Variants in PRKN observed in about 807,000 individuals in gnomAD.
PRKN encodes the protein parkin RBR E3 ubiquitin protein ligase.
In PRKN, 56 loss-of-function variants were observed where a neutral mutation model predicts 59.5. That is an observed-to-expected ratio of 0.94 (90% CI 0.76 to 1.18). PRKN has a LOEUF of 1.18. Ranked by LOEUF, PRKN falls within the 50% of genes most tolerant of loss-of-function variation. The pLI, the probability that PRKN is intolerant of heterozygous loss-of-function variation, is 0.00. For synonymous variants in PRKN, 250 were observed against 222.1 expected (o/e 1.13, Z -1.12); for missense variants, 657 against 596.4 (o/e 1.10, Z -1.06).
Position 162,037,776 on chromosome 6 carries a change from A to T in PRKN, c.618+16315T>A, listed in dbSNP as rs190779006. On this transcript the variant is annotated intron_variant, in intron 5 of 11. Coordinates refer to ENST00000366898, the MANE Select transcript of PRKN (RefSeq NM_004562.3). Reference sequence around the variant, plus strand: ...TGGCCAGGATGGTCTCAATCTCTTGACCTCGTGATCCACCCGCCTCAGCCT... The same window carrying T: ...TGGCCAGGATGGTCTCAATCTCTTGTCCTCGTGATCCACCCGCCTCAGCCT... 9.5e-3 allele frequency among the ~76,000 whole-genome samples: 1,437 copies of T among 151,308 alleles called. 17 individuals carry two copies. Among genetic ancestry groups the T allele is most frequent in the African/African-American group, 0.033 (1,368 of 41,208 alleles).
At chr6:162,089,261 G>A (rs1028373931) in intron 4 of PRKN, among the ~76,000 whole-genome samples, 5 of 152,074 alleles carry the variant, frequency 3.3e-5, no homozygotes, top group Admixed American at 1.3e-4. Context: ...ATTTTTCCAA[G>A]GAAGTTATAC....
chr6:162,393,141 G>A (rs1365525230), intron 2 of PRKN, among the ~76,000 whole-genome samples: 1 of 115,728 alleles, frequency 8.6e-6, no homozygotes, highest in Non-Finnish European at 1.8e-5. Context: ...GATACTGGGT[G>A]AGGATAGGAG....
At position 161,356,699 on chromosome 6, in the gene PRKN, C is replaced by G. The variant is rs1489679987; in HGVS notation, c.1285+3389G>C. On this transcript the variant is annotated intron_variant, in intron 11 of 11. Transcript: ENST00000366898. This position sits in a 1 kb window ranked among gnomAD's most constrained non-coding sequence, Gnocchi z 7.8. ...AGCTTTAGCTTAGCGGCTTGAGGAA[C>G]TGGGCGGTGCTGTTGACTGAGGTGG... Among the ~76,000 whole-genome samples the G allele has an allele frequency of 6.6e-6, 1 of 152,094 alleles. No individual in the cohort carries two copies. Among genetic ancestry groups the G allele is most frequent in the Non-Finnish European group, 1.5e-5 (1 of 68,038 alleles).
At chr6:161,384,024 G>A (rs925817451) in intron 10 of PRKN, among the ~76,000 whole-genome samples, 1 of 152,112 alleles carries the variant, frequency 6.6e-6, no homozygotes, top group African/African-American at 2.4e-5. Context: ...TCATCTCCTG[G>A]GGGGGTCTAA....
At chr6:162,382,107 T>C (rs1562718186) in intron 2 of PRKN, among the ~76,000 whole-genome samples, 1 of 152,278 alleles carries the variant, frequency 6.6e-6, no homozygotes, top group East Asian at 1.9e-4. Flanking sequence ...TTTTATTTTA[T>C]CCTATAATCG....
chr6:162,685,279 G>C (rs1022357741), intron 1 of PRKN, among the ~76,000 whole-genome samples: 3 of 152,090 alleles, frequency 2.0e-5, no homozygotes, highest in Non-Finnish European at 2.9e-5. Context: ...TGGTCATGAA[G>C]ACTCTCCTGA....
chr6:161,817,300 T>G (rs1174744809), intron 6 of PRKN, among the ~76,000 whole-genome samples: 2 of 152,232 alleles, frequency 1.3e-5, no homozygotes, highest in Non-Finnish European at 2.9e-5. Flanking sequence ...TAGTGAATTG[T>G]GAGCCTCACT....
chr6:162,542,883 G>T (rs544665617), intron 1 of PRKN, among the ~76,000 whole-genome samples: 2 of 152,014 alleles, frequency 1.3e-5, no homozygotes, highest in East Asian at 1.9e-4. Context: ...CTTCTGTAGC[G>T]GGGGGCTCAC....
At position 161,446,640 on chromosome 6, in the gene PRKN, T is replaced by C. The variant is rs1789506165; in HGVS notation, c.1084-59763A>G. On this transcript the variant is annotated intron_variant, in intron 9 of 11. Coordinates refer to ENST00000366898, the MANE Select transcript of PRKN (RefSeq NM_004562.3). The surrounding 1 kb of genome is among the most constrained non-coding windows in gnomAD (Gnocchi z 6.2). Reference sequence around the variant, plus strand: ...TAAGATTGAAACTAAATGCAGCCTCTTTTCTACCCATGATTTATTAGACCT... The same window carrying C: ...TAAGATTGAAACTAAATGCAGCCTCCTTTCTACCCATGATTTATTAGACCT... Among the ~76,000 whole-genome samples the C allele has an allele frequency of 6.6e-6, 1 of 152,156 alleles. No individual in the cohort carries two copies. Among genetic ancestry groups the C allele is most frequent in the African/African-American group, 2.4e-5 (1 of 41,428 alleles).
At position 161,348,296 on chromosome 6, in the gene PRKN, AG is replaced by A; in HGVS notation, c.*1802del. ...AGTATGGACACGAGCCACTGGGTGC[AG>A]GGGGCTCATGCCTGCCACCTCTCTT... is the stretch of plus-strand genomic sequence containing the variant. On this transcript the variant is annotated 3_prime_UTR_variant, in exon 12 of 12. Coordinates refer to ENST00000366898, the MANE Select transcript of PRKN (RefSeq NM_004562.3). This position sits in a 1 kb window ranked among gnomAD's most constrained non-coding sequence, Gnocchi z 4.9. 1 of 203,626 alleles carries A rather than the reference AG, an allele frequency of 4.9e-6. No individual in the cohort carries two copies. Among genetic ancestry groups the A allele is most frequent in the East Asian group, 7.4e-5 (1 of 13,466 alleles). 12.6% of individuals were successfully genotyped at this position (203,626 alleles called of 1,614,324 possible). A position where few individuals can be genotyped will look rare whatever the true frequency, so the allele number is the denominator to read the frequency against.
chr6:162,088,212 T>C (rs568809238), intron 4 of PRKN, among the ~76,000 whole-genome samples: 2 of 152,258 alleles, frequency 1.3e-5, no homozygotes, highest in East Asian at 3.9e-4. Flanking sequence ...TATGATTCAG[T>C]AAGATAAATG....
chr6:161,442,986 G>A lies in PRKN; in HGVS notation c.1084-56109C>T, dbSNP rs559120643. ...CTCTGAGAGGTTAACTGACCTGCTC[G>A]AGGTGAAGAAAATGAGTAGGGATTA... On this transcript the variant is annotated intron_variant, in intron 9 of 11. Transcript: ENST00000366898. The surrounding 1 kb of genome is among the most constrained non-coding windows in gnomAD (Gnocchi z 4.6). Among the ~76,000 whole-genome samples the A allele has an allele frequency of 5.9e-5, 9 of 152,240 alleles. No individual in the cohort carries two copies. Among genetic ancestry groups the A allele is most frequent in the African/African-American group, 1.7e-4 (7 of 41,544 alleles).
At chr6:162,228,184 G>A (rs1778268387) in intron 3 of PRKN, among the ~76,000 whole-genome samples, 1 of 152,118 alleles carries the variant, frequency 6.6e-6, no homozygotes, top group Admixed American at 6.5e-5. Flanking sequence ...TACTGAAGCA[G>A]GTATGCTTTA....
At chr6:162,439,110 A>C (rs1200856016) in intron 2 of PRKN, among the ~76,000 whole-genome samples, 1 of 152,128 alleles carries the variant, frequency 6.6e-6, no homozygotes, top group Non-Finnish European at 1.5e-5. Context: ...AGAAATTTCA[A>C]ACAAGAGGCT....
rs374272862 is a variant in PRKN at position 161,558,063 on chromosome 6, C to T, written c.934-9060G>A. Among the ~76,000 whole-genome samples the T allele has an allele frequency of 4.6e-5, 7 of 152,168 alleles. No homozygotes were observed. In the South Asian group the frequency reaches 6.2e-4, roughly 14 times the overall value. ...TGAGCTACTGCAGTGAACCAAACCACGGCACCGACACTTTGCTGCTCGGTT... is the reference window on the plus strand; with the variant it reads ...TGAGCTACTGCAGTGAACCAAACCATGGCACCGACACTTTGCTGCTCGGTT... On this transcript the variant is annotated intron_variant, in intron 8 of 11. Transcript: ENST00000366898.
chr6:162,307,918 C>T (rs1183219821), intron 2 of PRKN, among the ~76,000 whole-genome samples: 1 of 152,216 alleles, frequency 6.6e-6, no homozygotes, highest in East Asian at 1.9e-4. Flanking sequence ...AATGATGACC[C>T]TAACATTTGC....
chr6:161,618,131 C>T (rs780863306), intron 7 of PRKN, among the ~76,000 whole-genome samples: 14 of 152,210 alleles, frequency 9.2e-5, no homozygotes, highest in Non-Finnish European at 1.9e-4. Context: ...ATTTACTACA[C>T]ATGTTCTAGC....
chr6:162,235,969 G>GA (rs201554254), intron 3 of PRKN, among the ~76,000 whole-genome samples: 1 of 76,620 alleles, frequency 1.3e-5, no homozygotes, highest in Non-Finnish European at 2.6e-5. Context: ...AAGAAAGAAA[G>GA]AAAGAAAGAA....
chr6:162,704,342 T>C (rs1343044020), intron 1 of PRKN, among the ~76,000 whole-genome samples: 1 of 152,162 alleles, frequency 6.6e-6, no homozygotes, highest in Non-Finnish European at 1.5e-5. Flanking sequence ...CCCCAGGTAC[T>C]AACCCTGTCA....
Sources: allele counts gnomAD v4.1 joint callset (sites outside exome capture counted in the v4.1 genomes callset), GRCh38; gene constraint gnomAD v4.1.1; non-coding constraint Gnocchi (gnomAD v3.1); transcripts MANE v1.5; gene names NCBI Gene and HGNC (gene_info 2026-07-23, HGNC 2026-07-21).